LCLAT1: variants seen among roughly 807,000 people sequenced by gnomAD.
LCLAT1 encodes 1-AGP acyltransferase 8.
Under a neutral mutation model 30.7 loss-of-function variants are expected in LCLAT1, and 11 were observed. The ratio of observed to expected loss-of-function variants is 0.36; its 90% CI spans 0.23 to 0.59. The LOEUF (loss-of-function observed/expected upper bound fraction) is 0.59, where lower values mean the gene tolerates loss of function less well. Ranked by LOEUF, LCLAT1 falls within the 20% of genes least tolerant of loss-of-function variation. LCLAT1 has a pLI of 0.77. For synonymous variants in LCLAT1, 155 were observed against 151.3 expected (o/e 1.02, Z -0.18); for missense variants, 402 against 458.6 (o/e 0.88, Z 1.13).
At chr2:30,472,182 A>G (rs925284247) in intron 1 of LCLAT1, among the ~76,000 whole-genome samples, 3 of 152,222 alleles carry the variant, frequency 2.0e-5, no homozygotes, top group African/African-American at 7.2e-5. Context: ...TTTTGTCCTT[A>G]GGGCTTACAT....
intron 3 of LCLAT1, among the ~76,000 whole-genome samples, chr2:30,553,893 T>C (rs1451056028): frequency 1.3e-5 from 2 of 152,016 alleles, no homozygotes; most frequent in African/African-American, 2.4e-5. Flanking sequence ...CTCATAGAAA[T>C]ATGAAATAAA....
At chr2:30,640,054 AAT>A (rs1669219102) in intron 5 of LCLAT1, 61 bp from the exon 6 acceptor site, 2 of 1,351,120 alleles carry the variant, frequency 1.5e-6, no homozygotes, top group Non-Finnish European at 1.0e-6. Flanking sequence ...CTGCAGTGTG[AAT>A]CAGCATTATC....
chr2:30,556,706 A>AATAAG (rs1411734529), intron 3 of LCLAT1, among the ~76,000 whole-genome samples: 1 of 151,964 alleles, frequency 6.6e-6, no homozygotes, highest in Non-Finnish European at 1.5e-5. Flanking sequence ...AATATTCCAC[A>AATAAG]ATAAGATAAG....
chr2:30,613,826 G>T (rs1351373738), intron 5 of LCLAT1, among the ~76,000 whole-genome samples: 1 of 31,866 alleles, frequency 3.1e-5, no homozygotes, highest in Admixed American at 3.9e-4. Flanking sequence ...TTACAAAGCA[G>T]TATTGCTGCC....
intron 5 of LCLAT1, among the ~76,000 whole-genome samples, chr2:30,626,695 T>C (rs1223907225): frequency 6.6e-6 from 1 of 152,032 alleles, no homozygotes; most frequent in African/African-American, 2.4e-5. Flanking sequence ...TATTCTTTTT[T>C]TTCTCCCTCT....
At position 30,644,034 on chromosome 2, in the gene LCLAT1, C is replaced by T. The variant is rs1420306009; in HGVS notation, c.*3415C>T. The T allele has an allele frequency of 6.6e-6, 1 of 152,134 alleles. No individual in the cohort carries two copies. The highest frequency in any genetic ancestry group is 1.5e-5 in the Non-Finnish European group (1 of 68,024). The allele number at this position is 152,134 out of a possible 1,614,324, so 9.4% of individuals were successfully genotyped here. ...TAGCCCTAAAGTTATCCTGTACCTG[C>T]ATTAAATTTTCATTTTAGAAGAGAA... On this transcript the variant is annotated 3_prime_UTR_variant, in exon 6 of 6. Transcript: ENST00000379509.
intron 5 of LCLAT1, among the ~76,000 whole-genome samples, chr2:30,626,484 C>T (rs1254771780): frequency 4.0e-5 from 6 of 150,808 alleles, no homozygotes; most frequent in Non-Finnish European, 5.9e-5. Context: ...TTTCGTAATC[C>T]TTTAAGCTCT....
Position 30,503,799 on chromosome 2 carries a change from A to G in LCLAT1, c.-4-21788A>G, listed in dbSNP as rs373101357. ...AACCAATCACTGTGCAGTGTGTACC[A>G]CAAAAAATAATGTCAAGAAGTCCGC... On this transcript the variant is annotated intron_variant, in intron 1 of 5. Transcript: ENST00000379509. Among the ~76,000 whole-genome samples, 65 of 152,372 alleles carry G rather than the reference A, an allele frequency of 4.3e-4. 1 individual carries two copies. Among genetic ancestry groups the G allele is most frequent in the South Asian group, 2.9e-3 (14 of 4,832 alleles).
At chr2:30,579,352 G>A (rs893237608) in intron 5 of LCLAT1, among the ~76,000 whole-genome samples, 8 of 152,110 alleles carry the variant, frequency 5.3e-5, no homozygotes, top group African/African-American at 1.9e-4. Context: ...TTAAGAAAAT[G>A]TCTTTGTCGT....
At chr2:30,581,781 T>G (rs1182863677) in intron 5 of LCLAT1, among the ~76,000 whole-genome samples, 1 of 152,164 alleles carries the variant, frequency 6.6e-6, no homozygotes, top group Non-Finnish European at 1.5e-5. Flanking sequence ...AGCCAAAGGT[T>G]GGTTAATGGA....
intron 1 of LCLAT1, among the ~76,000 whole-genome samples, chr2:30,461,143 G>C (rs972089060): frequency 2.0e-5 from 3 of 152,150 alleles, no homozygotes; most frequent in Admixed American, 1.3e-4. Context: ...CATTAGTGTG[G>C]ATAGCATGGG....
intron 4 of LCLAT1, 45 bp downstream of exon 4, chr2:30,562,337 A>T: frequency 6.7e-7 from 1 of 1,483,740 alleles, no homozygotes. Flanking sequence ...ATGTAGTCTA[A>T]ACTTCTCATT....
At chr2:30,597,861 T>G (rs1422263557) in intron 5 of LCLAT1, among the ~76,000 whole-genome samples, 1 of 152,202 alleles carries the variant, frequency 6.6e-6, no homozygotes, top group African/African-American at 2.4e-5. Flanking sequence ...CATGAAGGAA[T>G]GTTGAATTTT....
In LCLAT1 at chr2:30,486,672, A is replaced by G. The variant is rs1433241925; in HGVS notation, c.-4-38915A>G. Among the ~76,000 whole-genome samples the G allele has an allele frequency of 2.0e-5, 3 of 152,162 alleles. No individual in the cohort carries two copies. In the East Asian group the frequency reaches 5.8e-4, roughly 29 times the overall value. ...TTTCATCCTGAACCTGGAGCTAGCT[A>G]GCTCTTGTGACTGAGTTCTAGCCAA... On this transcript the variant is annotated intron_variant, in intron 1 of 5. Transcript: ENST00000379509.
At chr2:30,497,208 A>G (rs1486756137) in intron 1 of LCLAT1, among the ~76,000 whole-genome samples, 1 of 152,240 alleles carries the variant, frequency 6.6e-6, no homozygotes, top group Non-Finnish European at 1.5e-5. Flanking sequence ...CAACCCTAAT[A>G]CCAGCTCAAG....
chr2:30,508,360 CTATGTCCAGAATAGT>C (rs1423162266), intron 1 of LCLAT1, among the ~76,000 whole-genome samples: 1 of 152,120 alleles, frequency 6.6e-6, no homozygotes, highest in Non-Finnish European at 1.5e-5. Context: ...TTGCCAGTTC[CTATGTCCAGAATAGT>C]ATTGCCTTCC....
In LCLAT1 at chr2:30,500,852, C is replaced by G. The variant is rs577039886; in HGVS notation, c.-4-24735C>G. Among the ~76,000 whole-genome samples, 22 of 152,222 alleles carry G rather than the reference C, an allele frequency of 1.4e-4. No homozygotes were observed. The East Asian group carries it at 2.1e-3, about 15-fold the overall frequency. On this transcript the variant is annotated intron_variant, in intron 1 of 5. Coordinates refer to ENST00000379509, the MANE Select transcript of LCLAT1 (RefSeq NM_001002257.3). ...AAATTGACCCTCTCGGGCTTAAAAC[C>G]TGAGACAGTTACTGTTGTCTTATCT...
intron 5 of LCLAT1, among the ~76,000 whole-genome samples, chr2:30,577,918 G>A (rs893567386): frequency 6.6e-6 from 1 of 151,964 alleles, no homozygotes; most frequent in African/African-American, 2.4e-5. Context: ...GTAAACATCT[G>A]TCTGTGATTC....
chr2:30,639,727 T>C (rs1006826287), intron 5 of LCLAT1, among the ~76,000 whole-genome samples: 1 of 152,206 alleles, frequency 6.6e-6, no homozygotes, highest in African/African-American at 2.4e-5. Context: ...AAAGTCTACT[T>C]TTATTTGGAG....
Sources: gnomAD v4.1 joint callset for allele counts (sites outside exome capture counted in the v4.1 genomes callset) on GRCh38, gnomAD v4.1.1 for gene constraint, MANE v1.5 for transcripts, NCBI Gene and HGNC (gene_info 2026-07-23, HGNC 2026-07-21) for gene names.